Variants in CNTN3 observed in about 807,000 individuals in gnomAD.
CNTN3 encodes contactin-3.
Under a neutral mutation model 119.1 loss-of-function variants are expected in CNTN3, and 60 were observed. The ratio of observed to expected loss-of-function variants is 0.50; its 90% CI spans 0.41 to 0.62. The LOEUF (loss-of-function observed/expected upper bound fraction) is 0.62, where lower values mean the gene tolerates loss of function less well. CNTN3 is among the 20% of genes least tolerant of loss of function. The probability of loss-of-function intolerance (pLI) is 0.00; values close to 1 mark genes in which losing one functional copy is unlikely to be tolerated. For synonymous variants in CNTN3, 450 were observed against 438.7 expected, an observed-to-expected ratio of 1.03 and a Z score of -0.32; for missense variants, 1,101 against 1,242.4, an observed-to-expected ratio of 0.89 and a Z score of 1.71.
chr3:74,379,741 T>C (rs1704569514), intron 5 of CNTN3, among the ~76,000 whole-genome samples: 1 of 152,166 alleles, frequency 6.6e-6, no homozygotes, highest in Non-Finnish European at 1.5e-5. Context: ...AGTGTAATGA[T>C]GGGACCAAAT....
chr3:74,322,385 A>G (rs191457732), intron 13 of CNTN3, among the ~76,000 whole-genome samples: 1 of 152,318 alleles, frequency 6.6e-6, no homozygotes. Flanking sequence ...ATGGCAAGTA[A>G]GAATACAAAA....
rs182872151 is a variant in CNTN3, at chr3:74,572,415, C to T, written c.-81+41976G>A. Among the ~76,000 whole-genome samples, 443 of 151,908 alleles carry T rather than the reference C, an allele frequency of 2.9e-3. 2 individuals are homozygous for T. The highest frequency in any genetic ancestry group is 4.6e-3 in the Non-Finnish European group (312 of 67,952). ...ACATAAATGTTTATACAAAGAAGAA[C>T]AGCTAATGAAACTATGATAGACTCC... On this transcript the variant is annotated intron_variant, in intron 1 of 22. Transcript: ENST00000263665.
chr3:74,336,547 T>C lies in CNTN3; in HGVS notation c.1476A>G (p.Thr492=). The C allele has an allele frequency of 6.2e-7, 1 of 1,612,760 alleles. No homozygotes were observed. The highest frequency in any genetic ancestry group is 8.5e-7 in the Non-Finnish European group (1 of 1,179,032). Residue 492 remains threonine (T), a synonymous_variant, in exon 12 of 23, where the codon ACA becomes ACG. Coordinates refer to ENST00000263665, the MANE Select transcript of CNTN3 (RefSeq NM_020872.3). The part of the protein sequence containing the change: ...ENQFGKANGT[T]HLVVTEPTRI... ...TGGACCTACCCGTAACAACCAAATGTGTTGTGCCATTTGCTTTCCCAAACT... is the reference window on the plus strand; with the variant it reads ...TGGACCTACCCGTAACAACCAAATGCGTTGTGCCATTTGCTTTCCCAAACT...
intron 20 of CNTN3, among the ~76,000 whole-genome samples, chr3:74,274,795 C>A (rs958231554): frequency 2.6e-5 from 4 of 151,926 alleles, no homozygotes; most frequent in African/African-American, 7.3e-5. Flanking sequence ...TGGATCCAAA[C>A]AAAGAAGAAA....
At chr3:74,385,757 C>T (rs972091839) in intron 5 of CNTN3, among the ~76,000 whole-genome samples, 4 of 152,292 alleles carry the variant, frequency 2.6e-5, no homozygotes, top group Middle Eastern at 3.4e-3. Flanking sequence ...GATGGAGAGA[C>T]TGAACTAATT....
chr3:74,599,149 A>G (rs1020127769), intron 1 of CNTN3, among the ~76,000 whole-genome samples: 2 of 152,010 alleles, frequency 1.3e-5, no homozygotes, highest in African/African-American at 2.4e-5. Flanking sequence ...AGAGATCATG[A>G]GTGGTTTGTA....
Position 74,365,696 on chromosome 3 carries a change from G to A in CNTN3, c.953C>T (p.Pro318Leu). 1 of 1,600,548 alleles carries A rather than the reference G, an allele frequency of 6.2e-7. No individual in the cohort carries two copies. The highest frequency in any genetic ancestry group is 8.5e-7 in the Non-Finnish European group (1 of 1,173,688). ...ARGRLTYYAK[P>L]HWVQLIKDVE... Reference sequence around the variant, plus strand: ...ATCCTTTATGAGTTGAACCCAATGGGGCTTTGCTTCAATGAAAGAAAAGGA... The same window carrying A: ...ATCCTTTATGAGTTGAACCCAATGGAGCTTTGCTTCAATGAAAGAAAAGGA... The change falls in exon 9 of 23, where the codon CCC becomes CTC. Residue 318 changes from proline (P) to leucine (L), a missense_variant. Transcript: ENST00000263665.
At chr3:74,497,200 A>G (rs567532888) in intron 3 of CNTN3, among the ~76,000 whole-genome samples, 1 of 152,118 alleles carries the variant, frequency 6.6e-6, no homozygotes, top group East Asian at 1.9e-4. Flanking sequence ...GTCATTATAT[A>G]TTTAGAGTAT....
chr3:74,599,050 G>T (rs1390560948), intron 1 of CNTN3, among the ~76,000 whole-genome samples: 1 of 152,050 alleles, frequency 6.6e-6, no homozygotes, highest in Non-Finnish European at 1.5e-5. Context: ...GACTGAAGTG[G>T]TTAGCATAAC....
At chr3:74,557,828 C>T (rs574359300) in intron 1 of CNTN3, among the ~76,000 whole-genome samples, 3 of 152,038 alleles carry the variant, frequency 2.0e-5, no homozygotes, top group East Asian at 3.9e-4. Context: ...AGGCCAGCTG[C>T]AGAGATAGAG....
intron 11 of CNTN3, among the ~76,000 whole-genome samples, chr3:74,348,134 G>T (rs1284060234): frequency 1.3e-5 from 2 of 152,178 alleles, no homozygotes; most frequent in East Asian, 3.9e-4. Flanking sequence ...ATAGTTAATT[G>T]CACTGTATTA....
At chr3:74,564,265 T>A (rs1704195138) in intron 1 of CNTN3, among the ~76,000 whole-genome samples, 1 of 151,748 alleles carries the variant, frequency 6.6e-6, no homozygotes, top group African/African-American at 2.4e-5. Context: ...CAGTTAATGG[T>A]AAGGCCAGGA....
intron 5 of CNTN3, among the ~76,000 whole-genome samples, chr3:74,402,349 C>A (rs1448179477): frequency 2.0e-5 from 3 of 152,026 alleles, no homozygotes. Flanking sequence ...TCCTAGTAGC[C>A]CACCAAATTA....
chr3:74,463,421 G>A (rs1301216660), intron 4 of CNTN3, among the ~76,000 whole-genome samples: 1 of 152,080 alleles, frequency 6.6e-6, no homozygotes, highest in Non-Finnish European at 1.5e-5. Context: ...TAGCAGCTAG[G>A]AGAGAGAGTG....
chr3:74,377,541 T>A (rs1575671554), intron 5 of CNTN3, among the ~76,000 whole-genome samples: 1 of 152,154 alleles, frequency 6.6e-6, no homozygotes, highest in South Asian at 2.1e-4. Context: ...GTAATAAAAA[T>A]GATAATTTGA....
intron 5 of CNTN3, among the ~76,000 whole-genome samples, chr3:74,377,470 A>G (rs1158636776): frequency 6.6e-6 from 1 of 152,194 alleles, no homozygotes; most frequent in Non-Finnish European, 1.5e-5. Flanking sequence ...AATCTGTATC[A>G]AATCAGCATT....
rs575850888 is a variant in CNTN3 at position 74,338,151 on chromosome 3, C to A, written c.1365-1493G>T. On this transcript the variant is annotated intron_variant, in intron 11 of 22. Coordinates refer to ENST00000263665, the MANE Select transcript of CNTN3 (RefSeq NM_020872.3). ...GTAAACTTCTTAAAAATATTTGCAA[C>A]CCCAGTATCAGCATGGCGTCATATA... is the stretch of plus-strand genomic sequence containing the variant. Among the ~76,000 whole-genome samples, 38 of 152,054 alleles carry A rather than the reference C, an allele frequency of 2.5e-4. No homozygotes were observed. In the South Asian group the frequency reaches 7.9e-3, roughly 32 times the overall value.
chr3:74,420,360 G>A (rs1363401790), intron 5 of CNTN3, among the ~76,000 whole-genome samples: 1 of 152,180 alleles, frequency 6.6e-6, no homozygotes, highest in Non-Finnish European at 1.5e-5. Flanking sequence ...ATTAACATAT[G>A]CAGTTTCCAC....
chr3:74,376,145 C>A (rs1704469852), intron 5 of CNTN3, among the ~76,000 whole-genome samples: 1 of 152,132 alleles, frequency 6.6e-6, no homozygotes, highest in Admixed American at 6.6e-5. Context: ...GGAACAAAGC[C>A]CTGCTGACAC....
Sources: allele counts gnomAD v4.1 joint callset (sites outside exome capture counted in the v4.1 genomes callset), GRCh38; gene constraint gnomAD v4.1.1; transcripts MANE v1.5; gene names NCBI Gene and HGNC (gene_info 2026-07-23, HGNC 2026-07-21).